Variants in TMEM87B observed in about 807,000 individuals in gnomAD.
The protein encoded by TMEM87B is transmembrane protein 87B.
TMEM87B carries 83 observed loss-of-function variants against 80.3 expected under a neutral mutation model. The observed-to-expected ratio is 1.03, with a 90% CI of 0.87 to 1.24. The LOEUF is 1.24. Among genes scored for constraint, TMEM87B ranks in the 50% most tolerant of loss-of-function variants. The pLI, the probability that TMEM87B is intolerant of heterozygous loss-of-function variation, is 0.00. For synonymous variants in TMEM87B, 219 were observed against 230.5 expected, an observed-to-expected ratio of 0.95 and a Z score of 0.45; for missense variants, 625 against 674.4, an observed-to-expected ratio of 0.93 and a Z score of 0.81.
intron 1 of TMEM87B, 114 bp downstream of exon 1, chr2:112,055,870 C>G (rs1252351903): frequency 4.5e-5 from 58 of 1,275,724 alleles, no homozygotes; most frequent in Non-Finnish European, 5.8e-5. Context: ...AGCACCGGGT[C>G]CCCTGATACC....
At chr2:112,097,440 C>G in intron 13 of TMEM87B, 149 bp downstream of exon 13, 1 of 816,530 alleles carries the variant, frequency 1.2e-6, no homozygotes, top group Non-Finnish European at 1.8e-6. Flanking sequence ...GTTATAAAAA[C>G]TTTTGGCTGG....
chr2:112,055,381 G>C lies in TMEM87B; in HGVS notation c.-211G>C. On this transcript the variant is annotated 5_prime_UTR_variant, in exon 1 of 19. Coordinates refer to ENST00000283206, the MANE Select transcript of TMEM87B (RefSeq NM_032824.3). Reference sequence around the variant, plus strand: ...ATCTCCCAGCTGCACGCTCGGGCCCGGCTCAGAGCCCTAAGCCCTGCCTCC... The same window carrying C: ...ATCTCCCAGCTGCACGCTCGGGCCCCGCTCAGAGCCCTAAGCCCTGCCTCC... The C allele has an allele frequency of 1.8e-6, 1 of 542,734 alleles. No individual in the cohort carries two copies. Among genetic ancestry groups the C allele is most frequent in the Non-Finnish European group, 3.1e-6 (1 of 320,970 alleles). 33.6% of individuals were successfully genotyped at this position (542,734 alleles called of 1,614,324 possible).
At chr2:112,085,932 T>A in intron 8 of TMEM87B, 73 bp from the exon 9 acceptor site, 1 of 1,222,514 alleles carries the variant, frequency 8.2e-7, no homozygotes. Context: ...ACACAGGACA[T>A]GTTGTTGAGA....
intron 5 of TMEM87B, among the ~76,000 whole-genome samples, chr2:112,076,252 A>C (rs923467905): frequency 6.6e-6 from 1 of 152,216 alleles, no homozygotes; most frequent in African/African-American, 2.4e-5. Flanking sequence ...ACTCCATCTC[A>C]AAAAATAAAT....
At chr2:112,087,235 C>T (rs1679174756) in intron 9 of TMEM87B, among the ~76,000 whole-genome samples, 1 of 152,126 alleles carries the variant, frequency 6.6e-6, no homozygotes, top group South Asian at 2.1e-4. Context: ...CCTCAGGCTC[C>T]CACCCGAGCA....
At chr2:112,072,895 C>CTTTTTT (rs71226782) in intron 4 of TMEM87B, among the ~76,000 whole-genome samples, 245 of 82,952 alleles carry the variant, frequency 3.0e-3, no homozygotes, top group Middle Eastern at 0.013. Context: ...AACTCTTCTT[C>CTTTTTT]TTTTTTTTTT....
chr2:112,080,733 G>A (rs948055653), intron 6 of TMEM87B, among the ~76,000 whole-genome samples: 7 of 152,044 alleles, frequency 4.6e-5, no homozygotes, highest in Non-Finnish European at 8.8e-5. Context: ...TTTTTATATT[G>A]ATGTAATCCC....
chr2:112,069,882 G>T (rs1018071710), intron 4 of TMEM87B, among the ~76,000 whole-genome samples: 2 of 152,116 alleles, frequency 1.3e-5, no homozygotes, highest in African/African-American at 4.8e-5. Flanking sequence ...GTGTGAGATG[G>T]TATCTCATTG....
intron 2 of TMEM87B, 89 bp from the exon 3 acceptor site, chr2:112,064,073 C>T (rs369947875): frequency 1.9e-6 from 2 of 1,056,524 alleles, no homozygotes; most frequent in South Asian, 3.1e-5. Context: ...ATTAAAGTAG[C>T]CTATTTTTAA....
intron 2 of TMEM87B, among the ~76,000 whole-genome samples, chr2:112,061,955 T>A (rs1678271759): frequency 6.6e-6 from 1 of 152,238 alleles, no homozygotes; most frequent in South Asian, 2.1e-4. Context: ...CTCCTTGGTC[T>A]GGTGCCATGC....
chr2:112,074,863 C>A lies in TMEM87B; in HGVS notation c.451-49C>A, dbSNP rs146860942. 3.0e-3 allele frequency: 4,493 copies of A among 1,475,326 alleles called. 23 individuals carry two copies. Among genetic ancestry groups the A allele is most frequent in the Non-Finnish European group, 3.6e-3 (4,022 of 1,110,432 alleles). 91.4% of individuals were successfully genotyped at this position (1,475,326 alleles called of 1,614,324 possible). A position where few individuals can be genotyped will look rare whatever the true frequency, so the allele number is the denominator to read the frequency against. Reference sequence around the variant, plus strand: ...TCTTAATTATTAAAACAATTTTTCTCCGTAGAAATGCAGCAGTATAAAATG... The same window carrying A: ...TCTTAATTATTAAAACAATTTTTCTACGTAGAAATGCAGCAGTATAAAATG... On this transcript the variant is annotated intron_variant, in intron 4 of 18. Transcript: ENST00000283206.
chr2:112,061,434 C>G (rs1678255385), intron 2 of TMEM87B, among the ~76,000 whole-genome samples: 1 of 152,276 alleles, frequency 6.6e-6, no homozygotes, highest in African/African-American at 2.4e-5. Flanking sequence ...ATGGGTCTTT[C>G]CTGAGGGAAG....
At chr2:112,057,336 C>A (rs534345957) in intron 1 of TMEM87B, among the ~76,000 whole-genome samples, 1 of 152,328 alleles carries the variant, frequency 6.6e-6, no homozygotes, top group East Asian at 1.9e-4. Context: ...TGCAGTGGCA[C>A]AGTCATATGG....
At chr2:112,069,235 A>T (rs541272070) in intron 4 of TMEM87B, among the ~76,000 whole-genome samples, 2 of 150,228 alleles carry the variant, frequency 1.3e-5, no homozygotes, top group African/African-American at 4.9e-5. Flanking sequence ...ATGTCACAGG[A>T]ATTTGTTGTA....
intron 3 of TMEM87B, 91 bp from the exon 4 acceptor site, chr2:112,066,845 C>G: frequency 8.6e-7 from 1 of 1,168,212 alleles, no homozygotes; most frequent in Non-Finnish European, 1.2e-6. Context: ...ACTGAATATA[C>G]TTTTGGTATT....
chr2:112,079,346 T>C (rs776124829), intron 6 of TMEM87B, among the ~76,000 whole-genome samples: 20 of 152,236 alleles, frequency 1.3e-4, no homozygotes, highest in Non-Finnish European at 2.6e-4. Flanking sequence ...ATTCCACATA[T>C]AAGTGAAAAT....
At chr2:112,104,083 T>C (rs1679701221) in intron 15 of TMEM87B, among the ~76,000 whole-genome samples, 1 of 152,180 alleles carries the variant, frequency 6.6e-6, no homozygotes, top group Non-Finnish European at 1.5e-5. Flanking sequence ...CATCTCACAA[T>C]CAATTCAAGA....
rs753107644 is a variant in TMEM87B at position 112,100,628 on chromosome 2, C to T, written c.1383C>T (p.Ala461=). 1.1e-5 allele frequency: 17 copies of T among 1,607,788 alleles called. No individual in the cohort carries two copies. In the East Asian group the frequency reaches 3.6e-4, roughly 34 times the overall value. ...CTCCTTGTTTTTGCTATAGATATGC[C>T]TTCATGCCCTTAATAGATGATTCTG... The part of the protein sequence containing the change: ...WRPSANNQRY[A]FMPLIDDSDD... Residue 461 remains alanine (A), a synonymous_variant, in exon 15 of 19, where the codon GCC becomes GCT. Coordinates refer to ENST00000283206, the MANE Select transcript of TMEM87B (RefSeq NM_032824.3).
At position 112,118,180 on chromosome 2, in the gene TMEM87B, T is replaced by A. The variant is rs1316941447; in HGVS notation, c.*2037T>A. On this transcript the variant is annotated 3_prime_UTR_variant, in exon 19 of 19. Coordinates refer to ENST00000283206, the MANE Select transcript of TMEM87B (RefSeq NM_032824.3). ...CTTCAGTAATATTTGTGCCATCTCTTGATGACTGATGACCTGGATCGAGTA... is the reference window on the plus strand; with the variant it reads ...CTTCAGTAATATTTGTGCCATCTCTAGATGACTGATGACCTGGATCGAGTA... 6.6e-6 allele frequency: 1 copy of A among 152,226 alleles called. No individual in the cohort carries two copies. The highest frequency in any genetic ancestry group is 1.5e-5 in the Non-Finnish European group (1 of 68,050). The allele number at this position is 152,226 out of a possible 1,614,324, so 9.4% of individuals were successfully genotyped here.
Sources: allele counts gnomAD v4.1 joint callset (sites outside exome capture counted in the v4.1 genomes callset), GRCh38; gene constraint gnomAD v4.1.1; transcripts MANE v1.5; gene names NCBI Gene and HGNC (gene_info 2026-07-23, HGNC 2026-07-21).